LDLRAD3: variants seen among roughly 807,000 people sequenced by gnomAD.
LDLRAD3 encodes the protein low-density lipoprotein receptor class A domain-containing protein 3.
LDLRAD3 carries 20 observed loss-of-function variants against 29.4 expected under a neutral mutation model. The ratio of observed to expected loss-of-function variants is 0.68; its 90% confidence interval spans 0.48 to 0.99. The LOEUF (loss-of-function observed/expected upper bound fraction) is 0.99, where lower values mean the gene tolerates loss of function less well. Ranked by LOEUF, LDLRAD3 falls within the 50% of genes least tolerant of loss-of-function variation. The pLI, the probability that LDLRAD3 is intolerant of heterozygous loss-of-function variation, is 0.00. For synonymous variants in LDLRAD3, 157 were observed against 192.7 expected (o/e 0.81, Z 1.53); for missense variants, 420 against 454.3 (o/e 0.92, Z 0.69).
chr11:36,202,223 G>A (rs902834390), intron 4 of LDLRAD3, among the ~76,000 whole-genome samples: 3 of 151,970 alleles, frequency 2.0e-5, no homozygotes, highest in African/African-American at 7.3e-5. Context: ...TGTATTTTTA[G>A]TAGAGAAGGC....
intron 4 of LDLRAD3, among the ~76,000 whole-genome samples, chr11:36,209,352 A>ATTTT (rs1855251923): frequency 1.3e-5 from 1 of 74,808 alleles, no homozygotes; most frequent in Non-Finnish European, 2.6e-5. Context: ...CAGAAACTGT[A>ATTTT]CTTTTTTTTT....
intron 2 of LDLRAD3, among the ~76,000 whole-genome samples, chr11:36,037,409 G>A (rs992949068): frequency 3.3e-5 from 5 of 152,068 alleles, no homozygotes; most frequent in East Asian, 1.9e-4. Context: ...CCCACCTCCC[G>A]GGTTCAAGCG....
intron 4 of LDLRAD3, among the ~76,000 whole-genome samples, chr11:36,144,574 G>C (rs1362691569): frequency 6.7e-6 from 1 of 148,792 alleles, no homozygotes; most frequent in South Asian, 2.2e-4. Flanking sequence ...GTCTCTGCCC[G>C]GCCGCCCCGT....
At chr11:36,072,611 G>C (rs1169889491) in intron 2 of LDLRAD3, among the ~76,000 whole-genome samples, 1 of 152,192 alleles carries the variant, frequency 6.6e-6, no homozygotes, top group African/African-American at 2.4e-5. Flanking sequence ...AAAGTGTAGT[G>C]TAGTTAAAAG....
intron 4 of LDLRAD3, among the ~76,000 whole-genome samples, chr11:36,098,667 A>G (rs1024697947): frequency 1.3e-5 from 2 of 152,170 alleles, no homozygotes; most frequent in African/African-American, 2.4e-5. Flanking sequence ...TGAATTTTGT[A>G]TTGTTCCTGA....
At chr11:36,107,326 G>A (rs759148362) in intron 4 of LDLRAD3, among the ~76,000 whole-genome samples, 12 of 151,574 alleles carry the variant, frequency 7.9e-5, no homozygotes, top group Non-Finnish European at 1.5e-4. Context: ...ACAGCCTCCC[G>A]AGTAGCTGAG....
intron 1 of LDLRAD3, among the ~76,000 whole-genome samples, chr11:36,005,078 G>A (rs262413): frequency 0.75 from 114,860 of 152,148 alleles, 46,851 homozygotes; most frequent in Non-Finnish European, 0.91. Context: ...CTTGGCTATT[G>A]ACATTCAGCT....
At chr11:36,179,061 C>G (rs183784315) in intron 4 of LDLRAD3, among the ~76,000 whole-genome samples, 1 of 152,282 alleles carries the variant, frequency 6.6e-6, no homozygotes, top group African/African-American at 2.4e-5. Flanking sequence ...TAATCTTTTC[C>G]CTGACTTGAA....
intron 4 of LDLRAD3, among the ~76,000 whole-genome samples, chr11:36,128,413 TC>T (rs1241655694): frequency 6.6e-6 from 1 of 151,718 alleles, no homozygotes; most frequent in African/African-American, 2.4e-5. Context: ...GCACAGATGC[TC>T]CCCCTGGGAC....
intron 4 of LDLRAD3, among the ~76,000 whole-genome samples, chr11:36,165,391 T>C (rs1854499120): frequency 1.3e-5 from 2 of 152,184 alleles, no homozygotes; most frequent in Admixed American, 6.6e-5. Context: ...TAGGATAGAT[T>C]ACCGTAAGAT....
rs569936186 is a variant in LDLRAD3, at chr11:36,229,233, C to A, written c.874C>A (p.Pro292Thr). The change falls in exon 6 of 6, where the codon CCC becomes ACC. Residue 292 changes from proline to threonine, a missense_variant. Physicochemically the swap from Pro to Thr is conservative, Grantham distance 38 (BLOSUM62 -1). This residue lies in a region of LDLRAD3 where 140 missense variants were observed against 139.9 expected (regional missense o/e 1.00). Transcript: ENST00000315571. ...TESLNQADLP[P>T]YRSRSGSANS... ...ATCTCTGAACCAAGCCGACCTGCCC[C>A]CCTACCGCTCCCGGTCCGGGAGTGC... 6 of 1,614,148 alleles carry A rather than the reference C, an allele frequency of 3.7e-6. No homozygotes were observed. The African/African-American group carries it at 8.0e-5, about 22-fold the overall frequency.
chr11:36,063,617 G>A (rs76597647), intron 2 of LDLRAD3, among the ~76,000 whole-genome samples: 5,841 of 152,224 alleles, frequency 0.038, 152 homozygotes, highest in Non-Finnish European at 0.06. Context: ...TAGGAGTCCA[G>A]TTTCGTTCTT....
intron 3 of LDLRAD3, among the ~76,000 whole-genome samples, chr11:36,097,093 T>A (rs1853371888): frequency 6.6e-6 from 1 of 150,488 alleles, no homozygotes; most frequent in African/African-American, 2.4e-5. Context: ...GTTGTCACAC[T>A]TCTTCTTAAG....
intron 3 of LDLRAD3, among the ~76,000 whole-genome samples, chr11:36,088,342 G>A (rs1007276924): frequency 1.6e-4 from 25 of 152,100 alleles, no homozygotes; most frequent in African/African-American, 4.3e-4. Flanking sequence ...GTAAGGATGA[G>A]GACTCCAGCC....
At chr11:36,062,954 T>A (rs1270692390) in intron 2 of LDLRAD3, among the ~76,000 whole-genome samples, 1 of 152,162 alleles carries the variant, frequency 6.6e-6, no homozygotes, top group Non-Finnish European at 1.5e-5. Context: ...AATGTAACAA[T>A]GTGTAAGAAA....
intron 4 of LDLRAD3, among the ~76,000 whole-genome samples, chr11:36,158,525 C>A (rs201824326): frequency 1.9e-5 from 2 of 107,096 alleles, no homozygotes; most frequent in Non-Finnish European, 3.7e-5. Flanking sequence ...ATGTTCTGGG[C>A]TTTTTTTTTT....
At chr11:36,098,546 A>AT in intron 4 of LDLRAD3, 85 bp downstream of exon 4, 1 of 1,481,760 alleles carries the variant, frequency 6.7e-7, no homozygotes. Context: ...AGCAACACCC[A>AT]TTCCCATTCC....
At chr11:36,169,395 T>C (rs921694839) in intron 4 of LDLRAD3, among the ~76,000 whole-genome samples, 1 of 152,214 alleles carries the variant, frequency 6.6e-6, no homozygotes, top group African/African-American at 2.4e-5. Context: ...ATTCCTTCTG[T>C]TTAACTTTAC....
At chr11:35,994,948 C>T (rs1321143049) in intron 1 of LDLRAD3, among the ~76,000 whole-genome samples, 1 of 152,194 alleles carries the variant, frequency 6.6e-6, no homozygotes, top group Non-Finnish European at 1.5e-5. Context: ...AGTTCTTTTG[C>T]TCTTTCCACT....
Sources: allele counts gnomAD v4.1 joint callset (sites outside exome capture counted in the v4.1 genomes callset), GRCh38; gene constraint gnomAD v4.1.1; regional missense constraint gnomAD v4.1.1; transcripts MANE v1.5; gene names NCBI Gene and HGNC (gene_info 2026-07-23, HGNC 2026-07-21).